The following RAB3IP variants were observed in gnomAD, a reference collection of about 807,000 sequenced individuals.
The protein encoded by RAB3IP is RAB3A interacting protein.
A neutral mutation model predicts 59.1 loss-of-function variants in RAB3IP; 36 were observed. The observed-to-expected ratio is 0.61, with a 90% CI of 0.47 to 0.80. The LOEUF (loss-of-function observed/expected upper bound fraction) is 0.80, where lower values mean the gene tolerates loss of function less well. RAB3IP is among the 30% of genes least tolerant of loss of function. The pLI, the probability that RAB3IP is intolerant of heterozygous loss-of-function variation, is 0.00. For missense variants in RAB3IP, 511 were observed against 536.0 expected (o/e 0.95, Z 0.46); for synonymous variants, 207 against 191.2 (o/e 1.08, Z -0.68).
intron 1 of RAB3IP, among the ~76,000 whole-genome samples, chr12:69,751,425 T>A (rs1449104676): frequency 6.6e-6 from 1 of 152,168 alleles, no homozygotes; most frequent in Non-Finnish European, 1.5e-5. Flanking sequence ...TCTGAGTACA[T>A]GGGTGCGCAT....
chr12:69,759,459 C>G (rs577979810), intron 3 of RAB3IP, among the ~76,000 whole-genome samples: 1 of 151,852 alleles, frequency 6.6e-6, no homozygotes, highest in Non-Finnish European at 1.5e-5. Context: ...TCCACAAAAC[C>G]GCCATCGTCA....
intron 3 of RAB3IP, among the ~76,000 whole-genome samples, chr12:69,773,319 A>G (rs1873470284): frequency 1.6e-5 from 2 of 128,014 alleles, no homozygotes; most frequent in African/African-American, 5.9e-5. Context: ...ACTTTCCTTT[A>G]TCTGGATTTT....
At chr12:69,758,010 G>A (rs1870503235) in intron 3 of RAB3IP, among the ~76,000 whole-genome samples, 1 of 152,164 alleles carries the variant, frequency 6.6e-6, no homozygotes, top group Admixed American at 6.5e-5. Flanking sequence ...CACATATGTG[G>A]TGACTTTTAT....
chr12:69,762,484 G>A (rs1361107814), intron 3 of RAB3IP, among the ~76,000 whole-genome samples: 1 of 152,156 alleles, frequency 6.6e-6, no homozygotes, highest in African/African-American at 2.4e-5. Context: ...TGAGCTGGGC[G>A]AAGTGGCTCA....
intron 3 of RAB3IP, among the ~76,000 whole-genome samples, chr12:69,765,358 A>T (rs567686877): frequency 1.3e-5 from 2 of 152,120 alleles, no homozygotes; most frequent in Non-Finnish European, 2.9e-5. Context: ...AGGATGTTGG[A>T]TCTTATTGAA....
At chr12:69,792,589 T>C (rs1002223530) in intron 4 of RAB3IP, among the ~76,000 whole-genome samples, 6 of 152,202 alleles carry the variant, frequency 3.9e-5, no homozygotes, top group Non-Finnish European at 8.8e-5. Flanking sequence ...TTCAAACTTT[T>C]TTTGAGTCTA....
At position 69,820,373 on chromosome 12, in the gene RAB3IP, C is replaced by T. The variant is rs1442170842; in HGVS notation, c.*4927C>T. On this transcript the variant is annotated 3_prime_UTR_variant, in exon 11 of 11. Transcript: ENST00000247833. The stretch of plus-strand genomic sequence containing the variant: ...TACCTCCCTCCATGTCCACTGCTAC[C>T]ACTCTGCCCAAGCTATTATCATCTT... 2.6e-5 allele frequency: 4 copies of T among 152,070 alleles called. No individual in the cohort carries two copies. Among genetic ancestry groups the T allele is most frequent in the Non-Finnish European group, 5.9e-5 (4 of 68,070 alleles). 9.4% of individuals were successfully genotyped at this position (152,070 alleles called of 1,614,324 possible).
chr12:69,766,957 ATTCTT>A (rs751397332), intron 3 of RAB3IP, among the ~76,000 whole-genome samples: 41 of 152,186 alleles, frequency 2.7e-4, no homozygotes, highest in East Asian at 1.9e-3. Context: ...CATGTTTTGA[ATTCTT>A]TATCTGTCAT....
At chr12:69,769,755 T>C (rs368464505) in intron 3 of RAB3IP, among the ~76,000 whole-genome samples, 41 of 152,298 alleles carry the variant, frequency 2.7e-4, no homozygotes, top group East Asian at 1.9e-3. Context: ...AGTTTACTAG[T>C]TGGGGAGAAG....
intron 1 of RAB3IP, among the ~76,000 whole-genome samples, chr12:69,745,168 A>G (rs766693426): frequency 6.6e-5 from 10 of 152,198 alleles, no homozygotes; most frequent in Non-Finnish European, 1.3e-4. Flanking sequence ...TTATTTTGAA[A>G]CAAATTGCAA....
chr12:69,807,357 G>T lies in RAB3IP; in HGVS notation c.1131-5421G>T, dbSNP rs1430455011. On this transcript the variant is annotated intron_variant, in intron 8 of 10. Transcript: ENST00000247833. ...CTTCACCTCCCAGACAGGGCGGCAG[G>T]GCAGAGGCGCTTCCCACCTCCCTGA... 1.5e-4 allele frequency among the ~76,000 whole-genome samples: 21 copies of T among 143,720 alleles called. No individual in the cohort carries two copies. In the East Asian group the frequency reaches 4.2e-3, roughly 29 times the overall value. 94.3% of individuals were successfully genotyped at this position (143,720 alleles called of 152,430 possible). A position where few individuals can be genotyped will look rare whatever the true frequency, so the allele number is the denominator to read the frequency against.
At chr12:69,754,391 G>A (rs1485247895) in intron 1 of RAB3IP, among the ~76,000 whole-genome samples, 1 of 151,360 alleles carries the variant, frequency 6.6e-6, no homozygotes, top group African/African-American at 2.4e-5. Context: ...TATACATTGA[G>A]ATATTAAGTG....
At chr12:69,787,896 C>G (rs754048681) in intron 4 of RAB3IP, among the ~76,000 whole-genome samples, 1 of 152,024 alleles carries the variant, frequency 6.6e-6, no homozygotes, top group Non-Finnish European at 1.5e-5. Context: ...TACACACTTG[C>G]TAATGGACAT....
intron 3 of RAB3IP, among the ~76,000 whole-genome samples, chr12:69,772,930 C>A (rs1283838334): frequency 6.6e-6 from 1 of 151,670 alleles, no homozygotes; most frequent in East Asian, 1.9e-4. Context: ...TGTTAGCATT[C>A]TTTTCTTTCA....
At chr12:69,780,340 G>A (rs1343791694) in intron 3 of RAB3IP, among the ~76,000 whole-genome samples, 1 of 152,232 alleles carries the variant, frequency 6.6e-6, no homozygotes, top group Non-Finnish European at 1.5e-5. Flanking sequence ...CTACATCCAT[G>A]CTTCCCAGTA....
At chr12:69,809,729 A>C (rs1313459174) in intron 8 of RAB3IP, among the ~76,000 whole-genome samples, 1 of 152,080 alleles carries the variant, frequency 6.6e-6, no homozygotes, top group Non-Finnish European at 1.5e-5. Context: ...CGTAGTTCTC[A>C]TGCCATGGTT....
upstream of RAB3IP, chr12:69,738,694 GA>G (rs994061442): frequency 6.6e-6 from 1 of 152,182 alleles, no homozygotes; most frequent in Admixed American, 6.5e-5. Flanking sequence ...CCAGGGCCGT[GA>G]CACCTGCGAC....
chr12:69,804,466 G>GT (rs1370534219), intron 8 of RAB3IP, among the ~76,000 whole-genome samples: 1 of 152,160 alleles, frequency 6.6e-6, no homozygotes, highest in Non-Finnish European at 1.5e-5. Flanking sequence ...TCTGATGGTG[G>GT]TTTCTTTTGT....
chr12:69,739,615 A>G (rs1887069928), intron 1 of RAB3IP: 1 of 594,130 alleles, frequency 1.7e-6, no homozygotes, highest in African/African-American at 1.9e-5. Flanking sequence ...GGTTTCGGTG[A>G]AACCTGGTGG....
Sources: allele counts gnomAD v4.1 joint callset (sites outside exome capture counted in the v4.1 genomes callset), GRCh38; gene constraint gnomAD v4.1.1; transcripts MANE v1.5; gene names NCBI Gene and HGNC (gene_info 2026-07-23, HGNC 2026-07-21).